DDX25: variants seen among roughly 807,000 people sequenced by gnomAD.
DDX25 encodes ATP-dependent RNA helicase DDX25.
In DDX25, 70 loss-of-function variants were observed where a neutral mutation model predicts 64.6. The observed-to-expected ratio is 1.08, with a 90% CI of 0.89 to 1.32. The LOEUF is 1.32. DDX25 is among the 40% of genes most tolerant of loss of function. The pLI is 0.00. For missense variants in DDX25, 587 were observed against 604.4 expected, an observed-to-expected ratio of 0.97 and a Z score of 0.30; for synonymous variants, 211 against 213.3, an observed-to-expected ratio of 0.99 and a Z score of 0.09.
chr11:125,913,287 T>C (rs1258993708), intron 8 of DDX25, among the ~76,000 whole-genome samples: 1 of 152,188 alleles, frequency 6.6e-6, no homozygotes, highest in Non-Finnish European at 1.5e-5. Flanking sequence ...CTCACTTAAG[T>C]TTTAAATCTC....
chr11:125,905,255 A>G lies in DDX25; in HGVS notation c.107A>G (p.Lys36Arg). Residue 36 changes from lysine to arginine, a missense_variant, in exon 2 of 12, where the codon AAG (lysine) becomes AGG (arginine). Transcript: ENST00000263576. ...SQPRKNLWGI[K>R]STAVRNIDGS... ...CCCCGGAAGAACCTTTGGGGTATTA[A>G]GAGTACTGCAGTCCGAAACATAGGT... is the stretch of plus-strand genomic sequence containing the variant. 1 of 1,551,714 alleles carries G rather than the reference A, an allele frequency of 6.4e-7. No individual in the cohort carries two copies. The highest frequency in any genetic ancestry group is 8.7e-7 in the Non-Finnish European group (1 of 1,146,988).
chr11:125,917,876 T>A (rs1345284884), intron 9 of DDX25, among the ~76,000 whole-genome samples: 1 of 152,084 alleles, frequency 6.6e-6, no homozygotes, highest in African/African-American at 2.4e-5. Context: ...ATTTTTAATT[T>A]GTTTTATTTT....
At chr11:125,911,552 A>T in intron 8 of DDX25, 64 bp downstream of exon 8, 1 of 1,476,370 alleles carries the variant, frequency 6.8e-7, no homozygotes, top group Non-Finnish European at 9.2e-7. Flanking sequence ...TCATTTGTTT[A>T]CTCCTCCACA....
At chr11:125,917,310 G>A in intron 9 of DDX25, 59 bp downstream of exon 9, 3 of 1,498,252 alleles carry the variant, frequency 2.0e-6, no homozygotes, top group East Asian at 2.4e-5. Flanking sequence ...CGAGGTGGGG[G>A]ACGACAATAA....
rs746358649 is a variant in DDX25, at chr11:125,911,325, G to A, written c.637G>A (p.Asp213Asn). The change falls in exon 8 of 12, where the codon GAC becomes AAC. Residue 213 changes from aspartate to asparagine, a missense_variant. Physicochemically the swap from Asp to Asn is conservative, Grantham distance 23 (BLOSUM62 1). Transcript: ENST00000263576. ...IRGNRIPRGT[D>N]ITKQIIIGTP... ...TTTCTCCCCAGTTCCCAGAGGCACC[G>A]ACATCACTAAACAGATTATAATTGG... is the stretch of plus-strand genomic sequence containing the variant. The A allele has an allele frequency of 2.8e-5, 45 of 1,611,274 alleles. No individual in the cohort carries two copies. The highest frequency in any genetic ancestry group is 1.6e-4 in the Middle Eastern group (1 of 6,082).
At position 125,917,293 on chromosome 11, in the gene DDX25, T is replaced by A. The variant is rs1267211993; in HGVS notation, c.1038+42T>A. 5 of 1,543,210 alleles carry A rather than the reference T, an allele frequency of 3.2e-6. No homozygotes were observed. The East Asian group carries it at 7.2e-5, about 22-fold the overall frequency. On this transcript the variant is annotated intron_variant, in intron 9 of 11. Coordinates refer to ENST00000263576, the MANE Select transcript of DDX25 (RefSeq NM_013264.5). ...TGTCTTCATCGAGCCCAGATATGCC[T>A]ACAGGCCGAGGTGGGGGACGACAAT...
rs573054868 is a variant in DDX25 at position 125,911,365 on chromosome 11, T to C, written c.677T>C (p.Val226Ala). The change falls in exon 8 of 12, where the codon GTC (valine) becomes GCC (alanine). Residue 226 changes from valine (V) to alanine (A), a missense_variant. Val to Ala is a moderately conservative substitution (Grantham distance 64). Transcript: ENST00000263576. ...ATTATAATTGGCACTCCTGGGACTGTCCTAGATTGGTGTTTTAAACTAAAA... is the reference window on the plus strand; with the variant it reads ...ATTATAATTGGCACTCCTGGGACTGCCCTAGATTGGTGTTTTAAACTAAAA... ...KQIIIGTPGT[V>A]LDWCFKLKLI... is the part of the protein sequence containing the mutation. 3.1e-6 allele frequency: 5 copies of C among 1,613,880 alleles called. No individual in the cohort carries two copies. Among genetic ancestry groups the C allele is most frequent in the Admixed American group, 1.7e-5 (1 of 60,008 alleles).
intron 4 of DDX25, among the ~76,000 whole-genome samples, chr11:125,907,185 T>C (rs142716811): frequency 1.3e-3 from 202 of 152,314 alleles, no homozygotes; most frequent in African/African-American, 4.2e-3. Context: ...AACCTACTTA[T>C]GTAAAGGGTA....
At chr11:125,912,802 A>G (rs1429281697) in intron 8 of DDX25, among the ~76,000 whole-genome samples, 1 of 150,218 alleles carries the variant, frequency 6.7e-6, no homozygotes, top group Non-Finnish European at 1.5e-5. Context: ...TCCCTTAGCT[A>G]TTCTATCGTA....
Position 125,928,339 on chromosome 11 carries a change from A to G in DDX25, c.*5458A>G, listed in dbSNP as rs564490264. 2 of 152,298 alleles carry G rather than the reference A, an allele frequency of 1.3e-5. No individual in the cohort carries two copies. The highest frequency in any genetic ancestry group is 1.9e-4 in the East Asian group (1 of 5,186). 9.4% of individuals were successfully genotyped at this position (152,298 alleles called of 1,614,324 possible). A position where few individuals can be genotyped will look rare whatever the true frequency, so the allele number is the denominator to read the frequency against. ...AAATAATAATTGACCAGATTGTCCT[A>G]TCTAGTGAATATGCATATAGCTGAC... is the stretch of plus-strand genomic sequence containing the variant. On this transcript the variant is annotated 3_prime_UTR_variant, in exon 12 of 12. Transcript: ENST00000263576.
chr11:125,905,949 C>A (rs944562240), intron 3 of DDX25, 125 bp from the exon 4 acceptor site: 28 of 1,253,528 alleles, frequency 2.2e-5, no homozygotes, highest in Non-Finnish European at 3.0e-5. Context: ...TTCTGGAACC[C>A]TCTTTTAGAG....
chr11:125,909,839 G>A (rs1944943135), intron 6 of DDX25, among the ~76,000 whole-genome samples: 1 of 152,076 alleles, frequency 6.6e-6, no homozygotes, highest in Admixed American at 6.6e-5. Context: ...TGTAGTAGAG[G>A]TGGTGTTTTG....
At position 125,923,832 on chromosome 11, in the gene DDX25, G is replaced by A. The variant is rs765450068; in HGVS notation, c.*951G>A. ...AGAGCGCCGGTACCAGCTCTGTCAC[G>A]GCACCAAACTGCACCAGTGGCTGCA... is the stretch of plus-strand genomic sequence containing the variant. On this transcript the variant is annotated 3_prime_UTR_variant, in exon 12 of 12. Transcript: ENST00000263576. 2.0e-5 allele frequency: 3 copies of A among 152,110 alleles called. No individual in the cohort carries two copies. The highest frequency in any genetic ancestry group is 2.1e-4 in the South Asian group (1 of 4,818). The allele number at this position is 152,110 out of a possible 1,614,324, so 9.4% of individuals were successfully genotyped here. A position where few individuals can be genotyped will look rare whatever the true frequency, so the allele number is the denominator to read the frequency against.
chr11:125,911,492 A>T lies in DDX25; in HGVS notation c.800+4A>T. On this transcript the variant is annotated splice_donor_region_variant and intron_variant, in intron 8 of 11. Coordinates refer to ENST00000263576, the MANE Select transcript of DDX25 (RefSeq NM_013264.5). The stretch of plus-strand genomic sequence containing the variant: ...ATCATAGTATTCGTATTCAAAGGTA[A>T]TCTTCAGAGTCTTCCTCTCTTCCTC... 6.2e-7 allele frequency: 1 copy of T among 1,613,108 alleles called. No homozygotes were observed. The highest frequency in any genetic ancestry group is 8.5e-7 in the Non-Finnish European group (1 of 1,179,466).
rs202169811 is a variant in DDX25, at chr11:125,921,405, G to C, written c.1390+26G>C. 6.2e-7 allele frequency: 1 copy of C among 1,607,594 alleles called. No homozygotes were observed. Among genetic ancestry groups the C allele is most frequent in the Admixed American group, 1.7e-5 (1 of 59,582 alleles). On this transcript the variant is annotated intron_variant, in intron 11 of 11. Transcript: ENST00000263576. The surrounding 1 kb of genome is among the most constrained non-coding windows in gnomAD (Gnocchi z 4.1). ...GTAAGTAGCACCACCCTCACAATAT[G>C]AACTACAGACCTGCCGGTCTGACAG...
In DDX25 at chr11:125,918,421, TG is replaced by T. The variant is rs568318389; in HGVS notation, c.1039-205del. On this transcript the variant is annotated intron_variant, in intron 9 of 11. Coordinates refer to ENST00000263576, the MANE Select transcript of DDX25 (RefSeq NM_013264.5). ...TGCGTGAGAAAGCCAGAGGTCTGAC[TG>T]GTGGAGAGGATGTGAGCCTTAGAAA... 3.3e-5 allele frequency among the ~76,000 whole-genome samples: 5 copies of T among 152,260 alleles called. No homozygotes were observed. In the East Asian group the frequency reaches 9.6e-4, roughly 29 times the overall value.
upstream of DDX25, among the ~76,000 whole-genome samples, chr11:125,904,001 C>T (rs1217979849): frequency 1.3e-5 from 2 of 152,222 alleles, no homozygotes; most frequent in African/African-American, 4.8e-5. Flanking sequence ...GCTTCCTTTC[C>T]GCAACTGTGG....
Position 125,921,349 on chromosome 11 carries a change from C to CCCT in DDX25, c.1362_1364dup (p.Ser455dup). ...CAACATGATTGAAGTAGATGAGCTG[C>CCCT]CCTCGCTCATGAAAATCCAGGACCA... On this transcript the variant is annotated inframe_insertion, in exon 11 of 12. Transcript: ENST00000263576. This position sits in a 1 kb window ranked among gnomAD's most constrained non-coding sequence, Gnocchi z 4.1. The CCCT allele has an allele frequency of 6.2e-7, 1 of 1,613,826 alleles. No homozygotes were observed. The highest frequency in any genetic ancestry group is 8.5e-7 in the Non-Finnish European group (1 of 1,179,846).
At chr11:125,907,369 G>A (rs1185691883) in intron 4 of DDX25, among the ~76,000 whole-genome samples, 1 of 152,176 alleles carries the variant, frequency 6.6e-6, no homozygotes, top group Non-Finnish European at 1.5e-5. Flanking sequence ...AGCACTTTGG[G>A]AGGCCAAGGG....
Sources: gnomAD v4.1 joint callset for allele counts (sites outside exome capture counted in the v4.1 genomes callset) on GRCh38, gnomAD v4.1.1 for gene constraint, Gnocchi (gnomAD v3.1) non-coding constraint, MANE v1.5 for transcripts, NCBI Gene and HGNC (gene_info 2026-07-23, HGNC 2026-07-21) for gene names.